GRIK2: variants seen among roughly 807,000 people sequenced by gnomAD.
The protein encoded by GRIK2 is glutamate receptor ionotropic, kainate 2.
GRIK2 carries 32 observed loss-of-function variants against 100.3 expected under a neutral mutation model. The observed-to-expected ratio is 0.32, with a 90% confidence interval of 0.24 to 0.43. GRIK2 has a LOEUF of 0.43. Ranked by LOEUF, GRIK2 falls within the 20% of genes least tolerant of loss-of-function variation. The pLI is 1.00. For synonymous variants in GRIK2, 417 were observed against 389.4 expected (o/e 1.07, Z -0.83); for missense variants, 843 against 1,114.9 (o/e 0.76, Z 3.47).
At chr6:101,750,313 CT>C (rs2128383956) in intron 7 of GRIK2, among the ~76,000 whole-genome samples, 1 of 152,286 alleles carries the variant, frequency 6.6e-6, no homozygotes, top group Admixed American at 6.5e-5. Flanking sequence ...TCCAAAGTCC[CT>C]TCTCTGTAAT....
intron 7 of GRIK2, among the ~76,000 whole-genome samples, chr6:101,760,817 A>G (rs867876764): frequency 1.2e-4 from 18 of 146,586 alleles, no homozygotes; most frequent in South Asian, 2.1e-4. Context: ...TTTTATGTTG[A>G]GATTTTTGCT....
chr6:101,590,727 T>C (rs183423473), intron 2 of GRIK2, among the ~76,000 whole-genome samples: 16 of 152,176 alleles, frequency 1.1e-4, no homozygotes, highest in Middle Eastern at 3.4e-3. Context: ...AGCTTACAAT[T>C]TGGCCCCTTC....
intron 2 of GRIK2, among the ~76,000 whole-genome samples, chr6:101,588,724 C>T (rs1778505586): frequency 1.3e-5 from 2 of 151,612 alleles, no homozygotes; most frequent in South Asian, 4.2e-4. Context: ...GTGAAGCAGC[C>T]CATATTTGGG....
intron 9 of GRIK2, 51 bp from the exon 10 acceptor site, chr6:101,818,319 T>C (rs772446281): frequency 7.0e-6 from 7 of 999,888 alleles, no homozygotes; most frequent in Non-Finnish European, 9.5e-6. Flanking sequence ...TGCAGTACTC[T>C]CTACCACGTG....
chr6:101,660,769 C>T (rs1429553961), intron 4 of GRIK2, among the ~76,000 whole-genome samples: 1 of 152,138 alleles, frequency 6.6e-6, no homozygotes, highest in East Asian at 1.9e-4. Flanking sequence ...TGGAGGTCCA[C>T]TCCAGACCCT....
Position 101,791,739 on chromosome 6 carries a change from T to A in GRIK2, c.952-7909T>A, listed in dbSNP as rs1779875400. On this transcript the variant is annotated intron_variant, in intron 7 of 16. Transcript: ENST00000369134. The stretch of plus-strand genomic sequence containing the variant: ...CTATTAGGTCCGCTTGGTGCAGAGC[T>A]GAGTTCAATTCCTGGGTATCCTTGT... Among the ~76,000 whole-genome samples the A allele has an allele frequency of 2.6e-5, 4 of 152,244 alleles. No individual in the cohort carries two copies. The South Asian group carries it at 8.3e-4, about 32-fold the overall frequency.
Position 101,533,756 on chromosome 6 carries a change from C to T in GRIK2, c.116-88193C>T, listed in dbSNP as rs1384974964. Among the ~76,000 whole-genome samples the T allele has an allele frequency of 4.0e-5, 6 of 151,808 alleles. No homozygotes were observed. The East Asian group carries it at 1.2e-3, about 29-fold the overall frequency. ...ATGTAAGTGCCTAGGTACAAGAGTT[C>T]AGTGATTTTACTATGCGACAGCCAT... On this transcript the variant is annotated intron_variant, in intron 2 of 16. Coordinates refer to ENST00000369134, the MANE Select transcript of GRIK2 (RefSeq NM_021956.5).
At chr6:101,652,404 C>A (rs1006607763) in intron 4 of GRIK2, among the ~76,000 whole-genome samples, 6 of 152,108 alleles carry the variant, frequency 3.9e-5, no homozygotes, top group African/African-American at 7.2e-5. Flanking sequence ...ATGATACGGG[C>A]ATCCTGACTT....
intron 15 of GRIK2, among the ~76,000 whole-genome samples, chr6:102,039,648 A>G (rs1770462825): frequency 6.6e-6 from 1 of 151,474 alleles, no homozygotes; most frequent in South Asian, 2.1e-4. Context: ...GACTGCCTGT[A>G]CTTAAAAGCC....
At chr6:101,599,724 TG>T (rs1385337096) in intron 2 of GRIK2, among the ~76,000 whole-genome samples, 15 of 151,850 alleles carry the variant, frequency 9.9e-5, no homozygotes, top group Non-Finnish European at 2.1e-4. Flanking sequence ...AAATTGTTCA[TG>T]TTTTTTTGCA....
At chr6:101,568,110 T>C (rs1330615613) in intron 2 of GRIK2, among the ~76,000 whole-genome samples, 1 of 152,028 alleles carries the variant, frequency 6.6e-6, no homozygotes, top group Non-Finnish European at 1.5e-5. Flanking sequence ...GAAGTACTTT[T>C]GTGTTTAAGT....
chr6:101,824,117 TGTG>T (rs1434919517), intron 10 of GRIK2, among the ~76,000 whole-genome samples: 2 of 152,062 alleles, frequency 1.3e-5, no homozygotes, highest in Admixed American at 1.3e-4. Context: ...ACTCCTGACT[TGTG>T]GTGATCTTCC....
At chr6:101,537,322 C>A (rs1259122100) in intron 2 of GRIK2, among the ~76,000 whole-genome samples, 6 of 151,674 alleles carry the variant, frequency 4.0e-5, no homozygotes, top group African/African-American at 1.5e-4. Context: ...TGGTTCCAGC[C>A]AGATGGGCTC....
chr6:101,571,426 G>C (rs964332010), intron 2 of GRIK2, among the ~76,000 whole-genome samples: 4 of 152,058 alleles, frequency 2.6e-5, no homozygotes, highest in African/African-American at 9.7e-5. Flanking sequence ...TTTCACTGAT[G>C]AGTTTGCATT....
chr6:101,930,848 A>G (rs2128472446), intron 14 of GRIK2, among the ~76,000 whole-genome samples: 1 of 151,882 alleles, frequency 6.6e-6, no homozygotes, highest in Non-Finnish European at 1.5e-5. Context: ...TTTTTCTCTC[A>G]AACACGAGTG....
At chr6:102,032,898 T>G (rs1180228419) in intron 14 of GRIK2, among the ~76,000 whole-genome samples, 1 of 151,290 alleles carries the variant, frequency 6.6e-6, no homozygotes, top group Non-Finnish European at 1.5e-5. Context: ...AAACTGAGTT[T>G]CACTGTGGGG....
At chr6:101,830,464 A>G (rs997185583) in intron 10 of GRIK2, among the ~76,000 whole-genome samples, 1 of 152,008 alleles carries the variant, frequency 6.6e-6, no homozygotes, top group Non-Finnish European at 1.5e-5. Context: ...ATATTTGCAA[A>G]CTATGCATCC....
intron 10 of GRIK2, among the ~76,000 whole-genome samples, chr6:101,840,835 A>G (rs1437758941): frequency 1.3e-5 from 2 of 152,240 alleles, no homozygotes. Context: ...GAGTAATCTC[A>G]TATTGGAAAA....
chr6:101,408,340 G>C (rs774248439), intron 2 of GRIK2, among the ~76,000 whole-genome samples: 11 of 151,702 alleles, frequency 7.3e-5, no homozygotes, highest in Non-Finnish European at 1.5e-4. Flanking sequence ...CAGAGAAATA[G>C]AAAACACACA....
Sources: gnomAD v4.1 joint callset for allele counts (sites outside exome capture counted in the v4.1 genomes callset) on GRCh38, gnomAD v4.1.1 for gene constraint, MANE v1.5 for transcripts, NCBI Gene and HGNC (gene_info 2026-07-23, HGNC 2026-07-21) for gene names.